SUSD1: variants seen among roughly 807,000 people sequenced by gnomAD.
SUSD1 encodes the protein sushi domain containing 1, also known as sushi domain-containing protein 1.
In SUSD1, 65 loss-of-function variants were observed where a neutral mutation model predicts 86.9. That is an observed-to-expected ratio of 0.75 (90% CI 0.61 to 0.92). The LOEUF (loss-of-function observed/expected upper bound fraction) is 0.92. Ranked by LOEUF, SUSD1 falls within the 40% of genes least tolerant of loss-of-function variation. The probability of loss-of-function intolerance (pLI) is 0.00; values close to 1 mark genes in which losing one functional copy is unlikely to be tolerated. For missense variants in SUSD1, 850 were observed against 929.7 expected, an observed-to-expected ratio of 0.91 and a Z score of 1.11; for synonymous variants, 346 against 350.0, an observed-to-expected ratio of 0.99 and a Z score of 0.13.
chr9:112,058,561 G>T lies in SUSD1; in HGVS notation c.1976C>A (p.Ala659Asp), dbSNP rs1332740742. ...CATGGCATCATCTGGAACATCTTTGGCCAGTAGTTCTGCAGCCACGTATCC... is the reference window on the plus strand; with the variant it reads ...CATGGCATCATCTGGAACATCTTTGTCCAGTAGTTCTGCAGCCACGTATCC... ...ADGYVAAELLAKDVPDDAMEI... is the reference protein window; with the variant it reads ...ADGYVAAELLDKDVPDDAMEI... Residue 659 changes from alanine (A) to aspartate (D), a missense_variant, in exon 14 of 17, where the codon GCC (alanine) becomes GAC (aspartate). Transcript: ENST00000374270. The T allele has an allele frequency of 4.3e-6, 7 of 1,613,950 alleles. No individual in the cohort carries two copies. Among genetic ancestry groups the T allele is most frequent in the African/African-American group, 1.3e-5 (1 of 74,878 alleles).
At chr9:112,135,619 T>C (rs7849537) in intron 5 of SUSD1, among the ~76,000 whole-genome samples, 32,329 of 152,186 alleles carry the variant, frequency 0.21, 3,720 homozygotes, top group African/African-American at 0.28. Context: ...TAGTTGTAAA[T>C]AGAATGTCTG....
intron 1 of SUSD1, among the ~76,000 whole-genome samples, chr9:112,159,784 C>T (rs911011717): frequency 6.6e-6 from 1 of 152,038 alleles, no homozygotes; most frequent in Non-Finnish European, 1.5e-5. Context: ...TACTTCAATG[C>T]GGCCTTTAAA....
At chr9:112,106,896 T>C (rs1407925411) in intron 8 of SUSD1, among the ~76,000 whole-genome samples, 1 of 151,448 alleles carries the variant, frequency 6.6e-6, no homozygotes, top group East Asian at 1.9e-4. Flanking sequence ...ACAAAATCTA[T>C]ACTATCTGAC....
chr9:112,140,050 AC>A (rs764944537), intron 5 of SUSD1, among the ~76,000 whole-genome samples: 3 of 149,206 alleles, frequency 2.0e-5, no homozygotes, highest in Non-Finnish European at 4.4e-5. Context: ...ACATGGCGAA[AC>A]CCCATCTCTA....
intron 6 of SUSD1, among the ~76,000 whole-genome samples, chr9:112,120,579 C>T (rs565015935): frequency 6.6e-6 from 1 of 152,350 alleles, no homozygotes; most frequent in African/African-American, 2.4e-5. Flanking sequence ...GGCCTCCTCA[C>T]AGAAAGATCA....
At chr9:112,141,999 C>T (rs74382102) in intron 5 of SUSD1, among the ~76,000 whole-genome samples, 6,147 of 149,580 alleles carry the variant, frequency 0.041, 310 homozygotes, top group Admixed American at 0.11. Context: ...AACCATTTCC[C>T]TAATAGTCAG....
intron 8 of SUSD1, among the ~76,000 whole-genome samples, chr9:112,106,886 AC>A (rs1328622545): frequency 6.6e-6 from 1 of 151,596 alleles, no homozygotes; most frequent in East Asian, 1.9e-4. Flanking sequence ...AGAAAAGAAA[AC>A]AAAATCTATA....
intron 15 of SUSD1, among the ~76,000 whole-genome samples, chr9:112,045,684 T>A (rs981843293): frequency 4.6e-5 from 7 of 151,614 alleles, no homozygotes; most frequent in Non-Finnish European, 7.4e-5. Flanking sequence ...CAAGTTACCA[T>A]CATCTACACT....
chr9:112,141,410 C>T (rs952302831), intron 5 of SUSD1, among the ~76,000 whole-genome samples: 9 of 152,130 alleles, frequency 5.9e-5, no homozygotes, highest in Non-Finnish European at 1.2e-4. Flanking sequence ...GGCGCAGTGG[C>T]TCACACCTGT....
intron 1 of SUSD1, among the ~76,000 whole-genome samples, chr9:112,159,745 C>T (rs962388666): frequency 1.3e-5 from 2 of 152,116 alleles, no homozygotes; most frequent in Admixed American, 1.3e-4. Flanking sequence ...AAGACTTATG[C>T]GTTTTTATAC....
At chr9:112,171,476 G>A (rs921271832) in intron 1 of SUSD1, among the ~76,000 whole-genome samples, 4 of 152,182 alleles carry the variant, frequency 2.6e-5, no homozygotes, top group Admixed American at 2.0e-4. Flanking sequence ...CAATCACACT[G>A]CAATATGGTA....
intron 12 of SUSD1, among the ~76,000 whole-genome samples, chr9:112,072,982 G>A (rs1287227447): frequency 6.6e-6 from 1 of 152,196 alleles, no homozygotes; most frequent in African/African-American, 2.4e-5. Flanking sequence ...AGGACACAGG[G>A]GTACAGCATC....
chr9:112,099,110 C>T (rs1388036700), intron 9 of SUSD1, among the ~76,000 whole-genome samples: 1 of 151,808 alleles, frequency 6.6e-6, no homozygotes, highest in African/African-American at 2.4e-5. Flanking sequence ...AGTGCAGTGG[C>T]ACAATCTTAG....
At chr9:112,148,436 C>A (rs915889159) in intron 3 of SUSD1, among the ~76,000 whole-genome samples, 3 of 152,068 alleles carry the variant, frequency 2.0e-5, no homozygotes, top group Non-Finnish European at 4.4e-5. Context: ...GGAGGCAAGC[C>A]CACATCTCTT....
chr9:112,115,672 G>A (rs1831281688), intron 6 of SUSD1, among the ~76,000 whole-genome samples: 1 of 151,860 alleles, frequency 6.6e-6, no homozygotes, highest in Non-Finnish European at 1.5e-5. Flanking sequence ...AGCCAAGCGT[G>A]GTGGTACATA....
intron 2 of SUSD1, among the ~76,000 whole-genome samples, chr9:112,155,115 G>A (rs1021703026): frequency 6.6e-6 from 1 of 152,042 alleles, no homozygotes; most frequent in African/African-American, 2.4e-5. Context: ...GCCGGGCGTG[G>A]TGGTGCCCGC....
intron 11 of SUSD1, 23 bp from the exon 12 acceptor site, chr9:112,078,747 G>A: frequency 1.2e-6 from 2 of 1,602,818 alleles, no homozygotes; most frequent in Non-Finnish European, 1.7e-6. Flanking sequence ...AAAGCTCACT[G>A]GGTGAATGGT....
chr9:112,066,800 A>T (rs1456217277), intron 12 of SUSD1, among the ~76,000 whole-genome samples: 1 of 152,128 alleles, frequency 6.6e-6, no homozygotes, highest in African/African-American at 2.4e-5. Flanking sequence ...CCCAGTGATT[A>T]TGGATTGCCA....
chr9:112,148,035 G>C (rs909444204), intron 3 of SUSD1, among the ~76,000 whole-genome samples: 1 of 152,220 alleles, frequency 6.6e-6, no homozygotes, highest in Non-Finnish European at 1.5e-5. Flanking sequence ...CCTTGGTACA[G>C]GTCAAGAGGG....
Sources: gnomAD v4.1 joint callset for allele counts (sites outside exome capture counted in the v4.1 genomes callset) on GRCh38, gnomAD v4.1.1 for gene constraint, MANE v1.5 for transcripts, NCBI Gene and HGNC (gene_info 2026-07-23, HGNC 2026-07-21) for gene names.